PTPRE: variants seen among roughly 807,000 people sequenced by gnomAD.
The protein encoded by PTPRE is receptor-type tyrosine-protein phosphatase epsilon.
Under a neutral mutation model 102.0 loss-of-function variants are expected in PTPRE, and 51 were observed. The ratio of observed to expected loss-of-function variants is 0.50; its 90% CI spans 0.40 to 0.63. The LOEUF (loss-of-function observed/expected upper bound fraction) is 0.63, where lower values mean the gene tolerates loss of function less well. PTPRE is among the 30% of genes least tolerant of loss of function. The pLI is 0.00. For missense variants in PTPRE, 752 were observed against 915.1 expected, an observed-to-expected ratio of 0.82 and a Z score of 2.30; for synonymous variants, 345 against 348.2, an observed-to-expected ratio of 0.99 and a Z score of 0.10.
Position 128,085,233 on chromosome 10 carries a change from A to G in PTPRE, c.*2327A>G. ...GCCTTGGAGCACCTCACGCTGGGGG[A>G]ATCAATCCCTGAGGGACTCAGAATC... On this transcript the variant is annotated 3_prime_UTR_variant, in exon 21 of 21. Transcript: ENST00000254667. The G allele has an allele frequency of 2.6e-6, 1 of 377,618 alleles. No individual in the cohort carries two copies. Among genetic ancestry groups the G allele is most frequent in the Non-Finnish European group, 5.4e-6 (1 of 185,880 alleles). The allele number at this position is 377,618 out of a possible 1,614,324, so 23.4% of individuals were successfully genotyped here.
intron 1 of PTPRE, among the ~76,000 whole-genome samples, chr10:127,930,931 T>C (rs1847388912): frequency 6.6e-6 from 1 of 152,006 alleles, no homozygotes; most frequent in Non-Finnish European, 1.5e-5. Context: ...TAGCTGGGAT[T>C]ACGAGCGCGT....
chr10:127,977,216 CTT>C (rs1564843072), intron 1 of PTPRE, among the ~76,000 whole-genome samples: 1 of 152,188 alleles, frequency 6.6e-6, no homozygotes, highest in African/African-American at 2.4e-5. Context: ...GATTGAGGAA[CTT>C]GGCTCCGGGA....
At chr10:127,990,411 C>CGAAA (rs1852518206) in intron 2 of PTPRE, among the ~76,000 whole-genome samples, 1 of 65,738 alleles carries the variant, frequency 1.5e-5, no homozygotes, top group Non-Finnish European at 2.9e-5. Context: ...GACTCCACCT[C>CGAAA]AAAAAAAAAA....
chr10:127,993,099 T>C (rs1479048845), intron 2 of PTPRE, among the ~76,000 whole-genome samples: 1 of 152,014 alleles, frequency 6.6e-6, no homozygotes, highest in Non-Finnish European at 1.5e-5. Context: ...GTTGAGGAAA[T>C]AGACTCACTG....
intron 1 of PTPRE, among the ~76,000 whole-genome samples, chr10:127,913,705 G>A (rs1846019730): frequency 1.3e-5 from 2 of 152,310 alleles, no homozygotes; most frequent in Non-Finnish European, 2.9e-5. Context: ...CAGCCCAGAC[G>A]AAATGGAAGC....
rs145217858 is a variant in PTPRE at position 127,986,245 on chromosome 10, G to A, written c.-8+3949G>A. Among the ~76,000 whole-genome samples the A allele has an allele frequency of 2.2e-3, 328 of 152,218 alleles. 5 individuals are homozygous for A. The highest frequency in any genetic ancestry group is 8.5e-4 in the Non-Finnish European group (58 of 68,022). On this transcript the variant is annotated intron_variant, in intron 2 of 20. Coordinates refer to ENST00000254667, the MANE Select transcript of PTPRE (RefSeq NM_006504.6). ...ACAATAGATTTATGAAAATAACACTGTAGTTCGTATCAGTGATCCAATATG... is the reference window on the plus strand; with the variant it reads ...ACAATAGATTTATGAAAATAACACTATAGTTCGTATCAGTGATCCAATATG...
At chr10:127,930,073 A>G (rs1455017827) in intron 1 of PTPRE, among the ~76,000 whole-genome samples, 1 of 151,934 alleles carries the variant, frequency 6.6e-6, no homozygotes, top group African/African-American at 2.4e-5. Context: ...AAAAAAAAAA[A>G]AAAAAAAGAA....
chr10:128,082,601 A>G (rs1436432885), intron 20 of PTPRE, among the ~76,000 whole-genome samples: 1 of 151,996 alleles, frequency 6.6e-6, no homozygotes, highest in African/African-American at 2.4e-5. Context: ...TCAGCCCATT[A>G]AATACACTAA....
At chr10:128,060,316 G>A (rs930353639) in intron 7 of PTPRE, among the ~76,000 whole-genome samples, 1 of 151,878 alleles carries the variant, frequency 6.6e-6, no homozygotes, top group Non-Finnish European at 1.5e-5. Flanking sequence ...AGCACTCCAC[G>A]GTCAGCCTTC....
At chr10:127,955,267 G>A (rs1386455098) in intron 1 of PTPRE, among the ~76,000 whole-genome samples, 6 of 151,340 alleles carry the variant, frequency 4.0e-5, no homozygotes, top group African/African-American at 1.2e-4. Flanking sequence ...ATCATATGAT[G>A]CAGAGAATAA....
chr10:128,068,277 T>C lies in PTPRE; in HGVS notation c.998T>C (p.Val333Ala). 1 of 1,613,264 alleles carries C rather than the reference T, an allele frequency of 6.2e-7. No individual in the cohort carries two copies. The highest frequency in any genetic ancestry group is 8.5e-7 in the Non-Finnish European group (1 of 1,179,442). Reference sequence around the variant, plus strand: ...CCCGTGCACGCTGGGCCCATCGTGGTCCACTGTAGGTACGCTGTGGGGGCC... The same window carrying C: ...CCCGTGCACGCTGGGCCCATCGTGGCCCACTGTAGGTACGCTGTGGGGGCC... Reference protein sequence around the residue: ...LNPVHAGPIVVHCSAGVGRTG... With the variant: ...LNPVHAGPIVAHCSAGVGRTG... Residue 333 changes from valine (V) to alanine (A), a missense_variant, in exon 12 of 21, where the codon GTC becomes GCC. Physicochemically the swap from Val to Ala is moderately conservative, Grantham distance 64. Around this residue, in one of 2 missense-constraint regions of PTPRE, gnomAD observed 636 missense variants for 824.4 expected, o/e 0.77. Transcript: ENST00000254667.
chr10:127,942,712 T>A (rs1353866326), intron 1 of PTPRE, among the ~76,000 whole-genome samples: 1 of 152,114 alleles, frequency 6.6e-6, no homozygotes, highest in Non-Finnish European at 1.5e-5. Context: ...TGTCAGGGGC[T>A]GGAGAGAGAG....
rs139834586 is a variant in PTPRE at position 127,915,859 on chromosome 10, T to C, written c.-31+8550T>C. ...TTATTATAGTTTCTCAACCTTACAATGGGTTTATTGGGCATTGGGTACATT... is the reference window on the plus strand; with the variant it reads ...TTATTATAGTTTCTCAACCTTACAACGGGTTTATTGGGCATTGGGTACATT... On this transcript the variant is annotated intron_variant, in intron 1 of 20. Coordinates refer to ENST00000254667, the MANE Select transcript of PTPRE (RefSeq NM_006504.6). 1.5e-4 allele frequency among the ~76,000 whole-genome samples: 23 copies of C among 152,272 alleles called. No individual in the cohort carries two copies. In the East Asian group the frequency reaches 4.4e-3, roughly 29 times the overall value.
At chr10:128,015,953 G>A (rs1220991838) in intron 2 of PTPRE, among the ~76,000 whole-genome samples, 4 of 152,218 alleles carry the variant, frequency 2.6e-5, no homozygotes, top group African/African-American at 9.6e-5. Context: ...CACTAGAGAA[G>A]CTTTAGGACA....
chr10:128,049,589 A>T lies in PTPRE; in HGVS notation c.343A>T (p.Ile115Phe). The stretch of plus-strand genomic sequence containing the variant: ...CTCAGGGCCCAAGAAGTATTTTCCC[A>T]TCCCCGTGGAGCACCTGGAGGAGGA... ...SPSGPKKYFPIPVEHLEEEIR... is the reference protein window; with the variant it reads ...SPSGPKKYFPFPVEHLEEEIR... Residue 115 changes from isoleucine to phenylalanine, a missense_variant, in exon 6 of 21, where the codon ATC becomes TTC. By Grantham distance (21) the Ile-to-Phe change is conservative. This residue lies in a region of PTPRE where 636 missense variants were observed against 824.4 expected (regional missense o/e 0.77). Coordinates refer to ENST00000254667, the MANE Select transcript of PTPRE (RefSeq NM_006504.6). 1 of 1,614,022 alleles carries T rather than the reference A, an allele frequency of 6.2e-7. No individual in the cohort carries two copies. The highest frequency in any genetic ancestry group is 8.5e-7 in the Non-Finnish European group (1 of 1,180,022).
intron 12 of PTPRE, 32 bp downstream of exon 12, chr10:128,068,318 C>G: frequency 6.3e-7 from 1 of 1,590,484 alleles, no homozygotes; most frequent in Non-Finnish European, 8.6e-7. Context: ...GCGGGACCCT[C>G]AAGGGCAGGC....
chr10:128,004,682 A>G (rs1854334759), intron 2 of PTPRE, among the ~76,000 whole-genome samples: 1 of 152,248 alleles, frequency 6.6e-6, no homozygotes, highest in Admixed American at 6.5e-5. Context: ...CCTTTTGGCT[A>G]TGATGAATTA....
At chr10:128,061,843 C>T (rs895994900) in intron 9 of PTPRE, 128 bp downstream of exon 9, 9 of 1,122,836 alleles carry the variant, frequency 8.0e-6, no homozygotes, top group Admixed American at 3.6e-5. Context: ...CTAACAGACA[C>T]GTTAGATATC....
intron 1 of PTPRE, among the ~76,000 whole-genome samples, chr10:127,980,698 C>G (rs1414532325): frequency 1.3e-5 from 2 of 152,128 alleles, no homozygotes; most frequent in African/African-American, 4.8e-5. Context: ...TCTTGGGCTT[C>G]AAACACACCT....
Sources: allele counts gnomAD v4.1 joint callset (sites outside exome capture counted in the v4.1 genomes callset), GRCh38; gene constraint gnomAD v4.1.1; regional missense constraint gnomAD v4.1.1; transcripts MANE v1.5; gene names NCBI Gene and HGNC (gene_info 2026-07-23, HGNC 2026-07-21).